The following SLC44A5 variants were observed in gnomAD, a reference collection of about 807,000 sequenced individuals.
SLC44A5 encodes the protein solute carrier family 44 member 5.
A neutral mutation model predicts 101.8 loss-of-function variants in SLC44A5; 57 were observed. The ratio of observed to expected loss-of-function variants is 0.56; its 90% CI spans 0.45 to 0.70. The LOEUF is 0.70. SLC44A5 is among the 30% of genes least tolerant of loss of function. SLC44A5 has a pLI of 0.00. For synonymous variants in SLC44A5, 281 were observed against 290.9 expected (o/e 0.97, Z 0.35); for missense variants, 737 against 853.1 (o/e 0.86, Z 1.70).
intron 6 of SLC44A5, among the ~76,000 whole-genome samples, chr1:75,261,916 A>T (rs936564494): frequency 1.3e-5 from 2 of 152,200 alleles, no homozygotes; most frequent in African/African-American, 4.8e-5. Context: ...CAATAGATGA[A>T]GAAAAGGCCT....
At chr1:75,563,266 CT>C (rs1672618258) in intron 1 of SLC44A5, among the ~76,000 whole-genome samples, 1 of 151,996 alleles carries the variant, frequency 6.6e-6, no homozygotes, top group East Asian at 1.9e-4. Flanking sequence ...AGATTAACAG[CT>C]CAGGACCCAT....
At chr1:75,659,443 GGGAAGGAAGGAA>G in the SLC44A5 span, among the ~76,000 whole-genome samples, 8 of 61,118 alleles carry the variant, frequency 1.3e-4, no homozygotes, top group East Asian at 9.8e-4. Flanking sequence ...GAGGGAGGGA[GGGAAGGAAGGAA>G]GGAAGGAAGG....
chr1:75,632,606 G>GC, the SLC44A5 span, among the ~76,000 whole-genome samples: 1 of 151,774 alleles, frequency 6.6e-6, no homozygotes, highest in African/African-American at 2.4e-5. Context: ...TATCATTCCT[G>GC]TTTTTCCATG....
intron 2 of SLC44A5, among the ~76,000 whole-genome samples, chr1:75,503,755 A>G (rs543036142): frequency 1.3e-5 from 2 of 152,224 alleles, no homozygotes; most frequent in African/African-American, 2.4e-5. Flanking sequence ...AGAGAAAAAG[A>G]TTGTGTCTAC....
At chr1:75,353,954 C>G (rs1452483745) in intron 3 of SLC44A5, 1 of 293,076 alleles carries the variant, frequency 3.4e-6, no homozygotes, top group Non-Finnish European at 6.7e-6. Context: ...ATTCTCAACA[C>G]TTTCCAAGGA....
the SLC44A5 span, among the ~76,000 whole-genome samples, chr1:75,671,957 A>G: frequency 6.6e-6 from 1 of 152,182 alleles, no homozygotes; most frequent in East Asian, 1.9e-4. Flanking sequence ...CATCATACAG[A>G]AAGTTCCAAC....
chr1:75,458,077 T>G (rs189628471), intron 2 of SLC44A5, among the ~76,000 whole-genome samples: 2 of 152,180 alleles, frequency 1.3e-5, no homozygotes, highest in African/African-American at 4.8e-5. Flanking sequence ...AGCTAAGTCA[T>G]AGTGAATGAC....
the SLC44A5 span, among the ~76,000 whole-genome samples, chr1:75,687,593 C>A: frequency 6.6e-6 from 1 of 152,142 alleles, no homozygotes; most frequent in African/African-American, 2.4e-5. Context: ...CATGAGCCAC[C>A]ACATGCAGCC....
intron 2 of SLC44A5, among the ~76,000 whole-genome samples, chr1:75,442,701 G>A (rs747270952): frequency 6.6e-6 from 1 of 151,974 alleles, no homozygotes; most frequent in East Asian, 1.9e-4. Flanking sequence ...AGAGTTCAGC[G>A]AAGACTCTTT....
intron 2 of SLC44A5, among the ~76,000 whole-genome samples, chr1:75,468,384 C>A (rs1170909746): frequency 6.6e-6 from 1 of 152,144 alleles, no homozygotes; most frequent in Non-Finnish European, 1.5e-5. Context: ...TTTGTTGTAG[C>A]GCTCTTCACG....
chr1:75,573,683 T>C (rs998632699), intron 1 of SLC44A5, among the ~76,000 whole-genome samples: 1 of 152,126 alleles, frequency 6.6e-6, no homozygotes, highest in African/African-American at 2.4e-5. Flanking sequence ...ATAAGCTCTA[T>C]TGCCACAAAC....
the SLC44A5 span, among the ~76,000 whole-genome samples, chr1:75,624,863 A>G: frequency 6.6e-6 from 1 of 152,086 alleles, no homozygotes; most frequent in African/African-American, 2.4e-5. Flanking sequence ...TGGCAAGTAT[A>G]TGAATGCTTT....
chr1:75,275,130 C>T (rs866132742), intron 5 of SLC44A5, 88 bp from the exon 6 acceptor site: 1 of 833,764 alleles, frequency 1.2e-6, no homozygotes. Context: ...ACCACTGCAA[C>T]ACACTAACCT....
chr1:75,496,610 CA>C (rs113836655), intron 2 of SLC44A5, among the ~76,000 whole-genome samples: 9,933 of 129,448 alleles, frequency 0.077, 476 homozygotes, highest in African/African-American at 0.15. Flanking sequence ...ACAACAACAA[CA>C]AAAAAAAAAA....
chr1:75,427,042 C>T (rs984286504), intron 2 of SLC44A5, among the ~76,000 whole-genome samples: 3 of 152,142 alleles, frequency 2.0e-5, no homozygotes, highest in African/African-American at 7.2e-5. Context: ...AGCAGCCCTG[C>T]CGGCTACTCA....
chr1:75,714,208 G>A, the SLC44A5 span, among the ~76,000 whole-genome samples: 5 of 152,190 alleles, frequency 3.3e-5, no homozygotes, highest in South Asian at 6.2e-4. Context: ...TTATCCCTGG[G>A]ATAAAAGGTT....
rs535460539 is a variant in SLC44A5 at position 75,452,193 on chromosome 1, G to A, written c.14-55572C>T. The stretch of plus-strand genomic sequence containing the variant: ...CAAAGGTAACTCCGTCAGTCTAACG[G>A]TGGACTTTTCAGCAGAAACCTTACA... On this transcript the variant is annotated intron_variant, in intron 2 of 23. Coordinates refer to ENST00000370859, the MANE Select transcript of SLC44A5 (RefSeq NM_001130058.2). Among the ~76,000 whole-genome samples, 4 of 152,256 alleles carry A rather than the reference G, an allele frequency of 2.6e-5. No individual in the cohort carries two copies. The South Asian group carries it at 8.3e-4, about 32-fold the overall frequency.
chr1:75,703,836 G>C, the SLC44A5 span, among the ~76,000 whole-genome samples: 29 of 152,028 alleles, frequency 1.9e-4, no homozygotes, highest in Non-Finnish European at 4.0e-4. Context: ...CAAAGCTATA[G>C]TGTAGTATTG....
chr1:75,331,824 A>G (rs1469238503), intron 4 of SLC44A5, among the ~76,000 whole-genome samples: 1 of 152,008 alleles, frequency 6.6e-6, no homozygotes, highest in East Asian at 1.9e-4. Flanking sequence ...TCTATCTAAC[A>G]TGTTATATCC....
Sources: allele counts gnomAD v4.1 joint callset (sites outside exome capture counted in the v4.1 genomes callset), GRCh38; gene constraint gnomAD v4.1.1; transcripts MANE v1.5; gene names NCBI Gene and HGNC (gene_info 2026-07-23, HGNC 2026-07-21).